LRRC4C: variants seen among roughly 807,000 people sequenced by gnomAD.
The protein encoded by LRRC4C is leucine-rich repeat-containing protein 4C.
In LRRC4C, 5 loss-of-function variants were observed where a neutral mutation model predicts 33.6. That is an observed-to-expected ratio of 0.15 (90% CI 0.08 to 0.31). The LOEUF is 0.31. Ranked by LOEUF, LRRC4C falls within the 10% of genes least tolerant of loss-of-function variation. The pLI, the probability that LRRC4C is intolerant of heterozygous loss-of-function variation, is 1.00. For synonymous variants in LRRC4C, 329 were observed against 302.0 expected (o/e 1.09, Z -0.93); for missense variants, 560 against 796.7 (o/e 0.70, Z 3.58).
chr11:41,261,945 G>A (rs1472621241), intron 1 of LRRC4C, among the ~76,000 whole-genome samples: 1 of 151,996 alleles, frequency 6.6e-6, no homozygotes, highest in Non-Finnish European at 1.5e-5. Context: ...TGGAACTAGG[G>A]ACATTCTAAA....
chr11:40,876,260 GTTT>G (rs34351895), intron 2 of LRRC4C, among the ~76,000 whole-genome samples: 3 of 91,296 alleles, frequency 3.3e-5, no homozygotes, highest in Non-Finnish European at 6.0e-5. Context: ...CTCAGTTAGG[GTTT>G]TTTTTTTTTT....
chr11:40,225,925 T>G (rs1864762954), intron 5 of LRRC4C, among the ~76,000 whole-genome samples: 1 of 152,154 alleles, frequency 6.6e-6, no homozygotes, highest in Non-Finnish European at 1.5e-5. Flanking sequence ...AGCCTATATT[T>G]CCCAATTCTT....
At chr11:41,249,965 A>G (rs1169776264) in intron 1 of LRRC4C, among the ~76,000 whole-genome samples, 5 of 151,876 alleles carry the variant, frequency 3.3e-5, no homozygotes, top group Non-Finnish European at 5.9e-5. Context: ...GGAGTTCGAG[A>G]CCAACCTGGC....
intron 1 of LRRC4C, among the ~76,000 whole-genome samples, chr11:40,940,623 A>G (rs1958097943): frequency 1.3e-5 from 2 of 152,142 alleles, no homozygotes; most frequent in East Asian, 1.9e-4. Flanking sequence ...ATATCAAATT[A>G]TATTATTCCT....
intron 3 of LRRC4C, among the ~76,000 whole-genome samples, chr11:40,444,358 CTTT>C (rs972289893): frequency 6.9e-6 from 1 of 145,214 alleles, no homozygotes; most frequent in Non-Finnish European, 1.5e-5. Context: ...TTTTATTTTT[CTTT>C]TTTTTTTAAA....
chr11:40,693,224 A>C (rs1042879218), intron 2 of LRRC4C, among the ~76,000 whole-genome samples: 5 of 152,178 alleles, frequency 3.3e-5, no homozygotes, highest in African/African-American at 1.2e-4. Context: ...TTCATAAAGA[A>C]GTGAGATAGA....
rs184267361 is a variant in LRRC4C, at chr11:40,759,555, C to A, written c.-406-111277G>T. ...GTGCAAAAGTAATTGCGGTTTTTGT[C>A]ATTACTTTCAATGGCAAAAACCTCA... is the stretch of plus-strand genomic sequence containing the variant. On this transcript the variant is annotated intron_variant, in intron 2 of 6. Transcript: ENST00000528697. Among the ~76,000 whole-genome samples, 289 of 151,768 alleles carry A rather than the reference C, an allele frequency of 1.9e-3. 2 individuals carry two copies. The highest frequency in any genetic ancestry group is 6.7e-3 in the African/African-American group (277 of 41,478).
intron 3 of LRRC4C, among the ~76,000 whole-genome samples, chr11:40,478,775 TG>T (rs1362808898): frequency 1.3e-5 from 2 of 152,144 alleles, no homozygotes; most frequent in East Asian, 1.9e-4. Context: ...TCCTTAAAAT[TG>T]TTTTTTTCTG....
chr11:41,314,536 C>A (rs1211424446), intron 1 of LRRC4C, among the ~76,000 whole-genome samples: 1 of 152,122 alleles, frequency 6.6e-6, no homozygotes, highest in Admixed American at 6.5e-5. Flanking sequence ...CCCTCTTGAG[C>A]TATCTGTATA....
At chr11:41,144,904 A>T (rs945405711) in intron 1 of LRRC4C, among the ~76,000 whole-genome samples, 2 of 152,164 alleles carry the variant, frequency 1.3e-5, no homozygotes, top group Admixed American at 1.3e-4. Flanking sequence ...AGTACATTCC[A>T]ATGTTTTGAA....
chr11:40,475,245 T>C (rs1049690430), intron 3 of LRRC4C, among the ~76,000 whole-genome samples: 2 of 152,110 alleles, frequency 1.3e-5, no homozygotes, highest in Non-Finnish European at 2.9e-5. Flanking sequence ...ATGTGGCACA[T>C]ATACACCATG....
chr11:41,219,944 C>T (rs966589749), intron 1 of LRRC4C, among the ~76,000 whole-genome samples: 1 of 152,152 alleles, frequency 6.6e-6, no homozygotes, highest in African/African-American at 2.4e-5. Flanking sequence ...AGCCCAGTTT[C>T]AGTAAGACAG....
At chr11:40,231,884 T>C (rs1865225235) in intron 5 of LRRC4C, among the ~76,000 whole-genome samples, 1 of 152,232 alleles carries the variant, frequency 6.6e-6, no homozygotes, top group African/African-American at 2.4e-5. Context: ...TTTTTATTTT[T>C]AGTTCTGGGG....
At chr11:40,518,503 A>G (rs1248455065) in intron 3 of LRRC4C, among the ~76,000 whole-genome samples, 1 of 152,174 alleles carries the variant, frequency 6.6e-6, no homozygotes, top group Admixed American at 6.5e-5. Flanking sequence ...AACATGAACA[A>G]AAGCTCATCA....
intron 3 of LRRC4C, among the ~76,000 whole-genome samples, chr11:40,335,797 T>A (rs967860408): frequency 6.6e-6 from 1 of 152,248 alleles, no homozygotes; most frequent in Admixed American, 6.5e-5. Context: ...TAGAGTACAC[T>A]GTGTAACGCA....
At chr11:41,024,533 T>C (rs930662136) in intron 1 of LRRC4C, among the ~76,000 whole-genome samples, 1 of 151,704 alleles carries the variant, frequency 6.6e-6, no homozygotes, top group Non-Finnish European at 1.5e-5. Context: ...ACAGACATCA[T>C]TGAGGTAACT....
At chr11:40,146,423 T>C (rs551232369) in intron 5 of LRRC4C, among the ~76,000 whole-genome samples, 1 of 152,280 alleles carries the variant, frequency 6.6e-6, no homozygotes, top group Admixed American at 6.5e-5. Context: ...ATACCTTCTA[T>C]GAGACAAGTT....
intron 3 of LRRC4C, among the ~76,000 whole-genome samples, chr11:40,493,245 T>C (rs1954255002): frequency 6.6e-6 from 1 of 152,054 alleles, no homozygotes; most frequent in Non-Finnish European, 1.5e-5. Flanking sequence ...GGTAACTTTA[T>C]ATAATAAAAA....
chr11:41,395,014 A>G (rs190955828), intron 1 of LRRC4C, among the ~76,000 whole-genome samples: 6 of 152,086 alleles, frequency 3.9e-5, no homozygotes, highest in Non-Finnish European at 8.8e-5. Flanking sequence ...CTAGGCTTCA[A>G]TAATGTCTGA....
Sources: allele counts gnomAD v4.1 joint callset (sites outside exome capture counted in the v4.1 genomes callset), GRCh38; gene constraint gnomAD v4.1.1; transcripts MANE v1.5; gene names NCBI Gene and HGNC (gene_info 2026-07-23, HGNC 2026-07-21).